FRMD4A: variants seen among roughly 807,000 people sequenced by gnomAD.
The protein encoded by FRMD4A is FERM domain containing 4A.
Under a neutral mutation model 129.1 loss-of-function variants are expected in FRMD4A, and 29 were observed. That is an observed-to-expected ratio of 0.22 (90% CI 0.17 to 0.31). The LOEUF is 0.31. FRMD4A is among the 10% of genes least tolerant of loss of function. FRMD4A has a pLI of 1.00. For synonymous variants in FRMD4A, 634 were observed against 571.6 expected (o/e 1.11, Z -1.56); for missense variants, 1,272 against 1,375.8 (o/e 0.92, Z 1.19).
At chr10:14,026,151 G>C (rs1321172605) in intron 2 of FRMD4A, among the ~76,000 whole-genome samples, 1 of 152,104 alleles carries the variant, frequency 6.6e-6, no homozygotes. Flanking sequence ...TCATGAGATC[G>C]AGAGGGAAAT....
chr10:14,274,825 G>C (rs1053234380), intron 2 of FRMD4A, among the ~76,000 whole-genome samples: 1 of 152,186 alleles, frequency 6.6e-6, no homozygotes, highest in Non-Finnish European at 1.5e-5. Flanking sequence ...TAGCCAGTCA[G>C]ACAGGGCTGC....
chr10:14,171,213 T>A (rs1391228589), intron 2 of FRMD4A, among the ~76,000 whole-genome samples: 1 of 152,122 alleles, frequency 6.6e-6, no homozygotes, highest in Non-Finnish European at 1.5e-5. Flanking sequence ...ACCTTCTCTC[T>A]CTCTCTTTTT....
intron 5 of FRMD4A, among the ~76,000 whole-genome samples, chr10:13,785,871 G>A (rs1477376568): frequency 6.6e-6 from 1 of 151,912 alleles, no homozygotes. Context: ...AACATGTGGT[G>A]TTTGGTTTTC....
chr10:13,666,040 C>T (rs1162617911), intron 18 of FRMD4A, 57 bp downstream of exon 18: 1 of 1,012,676 alleles, frequency 9.9e-7, no homozygotes, highest in African/African-American at 1.6e-5. Flanking sequence ...GACCTGGCGT[C>T]TGGTTGCCGG....
chr10:13,659,397 G>T lies in FRMD4A; in HGVS notation c.1992C>A (p.His664Gln). 6.2e-7 allele frequency: 1 copy of T among 1,614,112 alleles called. No homozygotes were observed. Among genetic ancestry groups the T allele is most frequent in the Non-Finnish European group, 8.5e-7 (1 of 1,179,958 alleles). Residue 664 changes from histidine to glutamine, a missense_variant, in exon 21 of 25, where the codon CAC becomes CAA. Physicochemically the swap from His to Gln is conservative, Grantham distance 24 (BLOSUM62 0). Around this residue, in one of 2 missense-constraint regions of FRMD4A, gnomAD observed 972 missense variants for 892.3 expected, o/e 1.09. Coordinates refer to ENST00000357447, the MANE Select transcript of FRMD4A (RefSeq NM_018027.5). ...ACGGCATGCTGGACTGGGAGTTCCA[G>T]TGCGGGAGGCCGCGGATGGGGCTGT... ...LQNSPIRGLP[H>Q]WNSQSSMPST... is the part of the protein sequence containing the mutation.
intron 18 of FRMD4A, among the ~76,000 whole-genome samples, chr10:13,663,977 T>C (rs2082829247): frequency 6.6e-6 from 1 of 152,216 alleles, no homozygotes; most frequent in Admixed American, 6.5e-5. Flanking sequence ...TGTAAGTCAT[T>C]AGTAGAGAAA....
rs991664142 is a variant in FRMD4A, at chr10:13,750,830, T to G, written c.465-3011A>C. On this transcript the variant is annotated intron_variant, in intron 8 of 24. Transcript: ENST00000357447. ...GTAAACTCCTAGTGTTCAGGAAAAC[T>G]CAATTCCAATCCCAAGTACAGTCGG... 2.0e-4 allele frequency among the ~76,000 whole-genome samples: 30 copies of G among 152,150 alleles called. 1 individual carries two copies. The highest frequency in any genetic ancestry group is 1.8e-3 in the Admixed American group (27 of 15,272).
intron 3 of FRMD4A, among the ~76,000 whole-genome samples, chr10:13,858,066 G>T (rs2094238095): frequency 6.6e-6 from 1 of 152,150 alleles, no homozygotes; most frequent in Admixed American, 6.5e-5. Context: ...GGGTAAGAAG[G>T]GGGTCGCTTA....
intron 2 of FRMD4A, among the ~76,000 whole-genome samples, chr10:14,184,120 CTTTTCTTTTTTTT>C (rs1217005093): frequency 3.0e-5 from 3 of 99,640 alleles, no homozygotes; most frequent in South Asian, 3.4e-4. Context: ...TTTTTCTTTT[CTTTTCTTTTTTTT>C]TTTTTTTTTT....
At chr10:14,167,725 T>A (rs1484891621) in intron 2 of FRMD4A, among the ~76,000 whole-genome samples, 1 of 151,798 alleles carries the variant, frequency 6.6e-6, no homozygotes, top group African/African-American at 2.4e-5. Context: ...TTCAGAGATT[T>A]CCCAGAGGAT....
At chr10:13,849,490 T>C (rs1356800117) in intron 3 of FRMD4A, among the ~76,000 whole-genome samples, 1 of 151,862 alleles carries the variant, frequency 6.6e-6, no homozygotes, top group African/African-American at 2.4e-5. Context: ...GCATTTTTTT[T>C]TTTTTTTTGA....
chr10:14,037,513 C>A (rs1975887), intron 2 of FRMD4A, among the ~76,000 whole-genome samples: 1 of 152,066 alleles, frequency 6.6e-6, no homozygotes, highest in Admixed American at 6.5e-5. Flanking sequence ...CCACCTAGCC[C>A]GGAACATTTC....
At chr10:14,246,382 TACACACACACAC>T (rs72276961) in intron 2 of FRMD4A, among the ~76,000 whole-genome samples, 2 of 150,962 alleles carry the variant, frequency 1.3e-5, no homozygotes, top group Non-Finnish European at 3.0e-5. Context: ...AAAACACACA[TACACACACACAC>T]ACACACACAC....
At position 13,663,073 on chromosome 10, in the gene FRMD4A, C is replaced by T. The variant is rs139084009; in HGVS notation, c.1660+380G>A. Among the ~76,000 whole-genome samples, 1,476 of 151,888 alleles carry T rather than the reference C, an allele frequency of 9.7e-3. 30 individuals carry two copies. The highest frequency in any genetic ancestry group is 0.033 in the African/African-American group (1,379 of 41,388). ...CCAGGTGTGGTGGCATGCTGTAGTCCCAGCTACTAGGGAGGCTGAGGTGGA... is the reference window on the plus strand; with the variant it reads ...CCAGGTGTGGTGGCATGCTGTAGTCTCAGCTACTAGGGAGGCTGAGGTGGA... On this transcript the variant is annotated intron_variant, in intron 19 of 24. Coordinates refer to ENST00000357447, the MANE Select transcript of FRMD4A (RefSeq NM_018027.5).
intron 14 of FRMD4A, among the ~76,000 whole-genome samples, chr10:13,700,607 G>C (rs1233353764): frequency 1.3e-5 from 2 of 152,176 alleles, no homozygotes; most frequent in Admixed American, 1.3e-4. Flanking sequence ...GTGGCTTGTG[G>C]GGGGCTGACA....
intron 2 of FRMD4A, among the ~76,000 whole-genome samples, chr10:14,020,792 G>T (rs920091372): frequency 4.6e-5 from 7 of 152,134 alleles, no homozygotes; most frequent in Admixed American, 4.6e-4. Flanking sequence ...TGAAGGCTGT[G>T]CTTAGAAAGA....
chr10:13,720,524 T>TGAG (rs1326983694), intron 12 of FRMD4A, among the ~76,000 whole-genome samples: 5 of 152,304 alleles, frequency 3.3e-5, no homozygotes, highest in Admixed American at 3.3e-4. Flanking sequence ...TGTCAGGCAC[T>TGAG]GAGGATACAG....
chr10:13,701,304 A>G (rs774278023), intron 14 of FRMD4A, 36 bp downstream of exon 14: 6 of 1,592,886 alleles, frequency 3.8e-6, no homozygotes, highest in African/African-American at 2.7e-5. Context: ...AGAGGCAGAC[A>G]ATGGCCCGGG....
chr10:13,833,431 G>T (rs2093821701), intron 3 of FRMD4A, among the ~76,000 whole-genome samples: 1 of 152,082 alleles, frequency 6.6e-6, no homozygotes, highest in Non-Finnish European at 1.5e-5. Flanking sequence ...TTGACACATG[G>T]GAATTATTAC....
Sources: gnomAD v4.1 joint callset for allele counts (sites outside exome capture counted in the v4.1 genomes callset) on GRCh38, gnomAD v4.1.1 for gene constraint, gnomAD v4.1.1 regional missense constraint, MANE v1.5 for transcripts, NCBI Gene and HGNC (gene_info 2026-07-23, HGNC 2026-07-21) for gene names.